DPP6: variants seen among roughly 807,000 people sequenced by gnomAD.
DPP6 encodes the protein dipeptidyl peptidase like 6, also known as A-type potassium channel modulatory protein DPP6.
Under a neutral mutation model 122.6 loss-of-function variants are expected in DPP6, and 69 were observed. That is an observed-to-expected ratio of 0.56 (90% CI 0.46 to 0.69). The LOEUF (loss-of-function observed/expected upper bound fraction) is 0.69, where lower values mean the gene tolerates loss of function less well. Ranked by LOEUF, DPP6 falls within the 30% of genes least tolerant of loss-of-function variation. DPP6 has a pLI of 0.00. For synonymous variants in DPP6, 418 were observed against 433.1 expected, an observed-to-expected ratio of 0.97 and a Z score of 0.43; for missense variants, 928 against 1,116.9, an observed-to-expected ratio of 0.83 and a Z score of 2.41.
At chr7:153,913,936 G>A (rs1800196494) in intron 1 of DPP6, among the ~76,000 whole-genome samples, 2 of 152,126 alleles carry the variant, frequency 1.3e-5, no homozygotes, top group African/African-American at 4.8e-5. Context: ...CCAAGAAACT[G>A]CTTGCTTCTC....
At chr7:154,305,148 C>G (rs1433211465) in intron 1 of DPP6, 5 of 705,130 alleles carry the variant, frequency 7.1e-6, no homozygotes, top group Non-Finnish European at 8.8e-6. Flanking sequence ...GGCGAGGAGG[C>G]AGCGCGCATC....
chr7:153,982,475 G>T (rs1796635636), intron 1 of DPP6, among the ~76,000 whole-genome samples: 1 of 151,844 alleles, frequency 6.6e-6, no homozygotes, highest in Non-Finnish European at 1.5e-5. Context: ...TAGCTTCCTT[G>T]CATTGGGTTA....
chr7:154,296,290 C>T lies in DPP6; in HGVS notation c.244-149924C>T, dbSNP rs543270703. On this transcript the variant is annotated intron_variant, in intron 1 of 25. Coordinates refer to ENST00000377770, the MANE Select transcript of DPP6 (RefSeq NM_130797.4). ...TTAGCCTTGCATGGTTGCATCCAGTCTGTTCCACAAGGATGGACACCCAGG... is the reference window on the plus strand; with the variant it reads ...TTAGCCTTGCATGGTTGCATCCAGTTTGTTCCACAAGGATGGACACCCAGG... 7.9e-5 allele frequency among the ~76,000 whole-genome samples: 12 copies of T among 152,218 alleles called. No homozygotes were observed. The East Asian group carries it at 2.3e-3, about 30-fold the overall frequency.
intron 1 of DPP6, among the ~76,000 whole-genome samples, chr7:154,437,674 G>A (rs972739801): frequency 2.0e-5 from 3 of 152,226 alleles, no homozygotes; most frequent in Non-Finnish European, 4.4e-5. Context: ...GGTGGTTCAT[G>A]CCTGTAATTC....
At chr7:153,896,252 A>G (rs1366249019) in intron 1 of DPP6, among the ~76,000 whole-genome samples, 5 of 152,234 alleles carry the variant, frequency 3.3e-5, no homozygotes, top group African/African-American at 1.2e-4. Flanking sequence ...AAACTCAACT[A>G]CAAACTTGAG....
intron 1 of DPP6, among the ~76,000 whole-genome samples, chr7:154,435,128 T>C (rs1017550247): frequency 1.3e-5 from 2 of 152,180 alleles, no homozygotes; most frequent in African/African-American, 2.4e-5. Context: ...TGAGCCACCA[T>C]TCCTGGCTGA....
At chr7:154,858,767 G>A (rs180906988) in intron 17 of DPP6, among the ~76,000 whole-genome samples, 2 of 152,294 alleles carry the variant, frequency 1.3e-5, no homozygotes, top group African/African-American at 4.8e-5. Flanking sequence ...TGCACTGTGA[G>A]AGCTCAGCCC....
Position 154,618,434 on chromosome 7 carries a change from G to T in DPP6, c.628-19387G>T, listed in dbSNP as rs191562469. Reference sequence around the variant, plus strand: ...GTGCACACACACTGTTGCTTGCCCAGACATGCTTCCCCTTTGTCTTGTTAG... The same window carrying T: ...GTGCACACACACTGTTGCTTGCCCATACATGCTTCCCCTTTGTCTTGTTAG... On this transcript the variant is annotated intron_variant, in intron 5 of 25. Transcript: ENST00000377770. This position sits in a 1 kb window ranked among gnomAD's most constrained non-coding sequence, Gnocchi z 4.1. 2.0e-5 allele frequency among the ~76,000 whole-genome samples: 3 copies of T among 152,322 alleles called. No individual in the cohort carries two copies. The highest frequency in any genetic ancestry group is 6.5e-5 in the Admixed American group (1 of 15,298).
the DPP6 span, among the ~76,000 whole-genome samples, chr7:153,870,696 G>A: frequency 1.3e-4 from 20 of 152,336 alleles, no homozygotes; most frequent in East Asian, 3.1e-3. Context: ...CTGGTGAGGT[G>A]CTGCGTTCCT....
intron 4 of DPP6, among the ~76,000 whole-genome samples, chr7:154,556,563 C>T (rs1830058589): frequency 6.6e-6 from 1 of 151,972 alleles, no homozygotes; most frequent in Admixed American, 6.6e-5. Flanking sequence ...GGATTAAAGC[C>T]TTAAATGTTT....
intron 1 of DPP6, among the ~76,000 whole-genome samples, chr7:154,384,273 G>A (rs1586121529): frequency 6.6e-6 from 1 of 152,268 alleles, no homozygotes; most frequent in East Asian, 1.9e-4. Flanking sequence ...GAGGAAGTGC[G>A]GTGTAAAGAC....
chr7:154,065,849 T>C (rs1342866403), intron 1 of DPP6, among the ~76,000 whole-genome samples: 1 of 152,040 alleles, frequency 6.6e-6, no homozygotes, highest in Admixed American at 6.5e-5. Context: ...AAGGATGTCT[T>C]CTGACTGGCC....
At chr7:153,757,037 T>C in the DPP6 span, among the ~76,000 whole-genome samples, 1 of 148,506 alleles carries the variant, frequency 6.7e-6, no homozygotes, top group Non-Finnish European at 1.5e-5. Context: ...TTGTACCTCA[T>C]GAAGGAAATA....
chr7:154,779,034 C>CCATCACCACTAT, intron 10 of DPP6, among the ~76,000 whole-genome samples: 1 of 151,618 alleles, frequency 6.6e-6, no homozygotes, highest in East Asian at 1.9e-4. Context: ...ACCTCCACCA[C>CCATCACCACTAT]CACCACCACA....
chr7:154,829,622 G>A (rs943648961), intron 16 of DPP6, among the ~76,000 whole-genome samples: 5 of 152,112 alleles, frequency 3.3e-5, no homozygotes, highest in Admixed American at 6.6e-5. Flanking sequence ...GAGTAATATC[G>A]GCTCAATGGC....
chr7:153,772,516 A>G, the DPP6 span, among the ~76,000 whole-genome samples: 1 of 152,234 alleles, frequency 6.6e-6, no homozygotes, highest in African/African-American at 2.4e-5. Context: ...AAATGAAACA[A>G]TGAAAACAAT....
At chr7:153,913,292 T>G (rs988813958) in intron 1 of DPP6, among the ~76,000 whole-genome samples, 2 of 152,096 alleles carry the variant, frequency 1.3e-5, no homozygotes, top group African/African-American at 4.8e-5. Context: ...CCAGCAGGTC[T>G]CAAACTCCTG....
chr7:154,428,804 T>C (rs1346187225), intron 1 of DPP6, among the ~76,000 whole-genome samples: 1 of 152,160 alleles, frequency 6.6e-6, no homozygotes, highest in African/African-American at 2.4e-5. Flanking sequence ...GCTATGGGTA[T>C]GCAAGGCATA....
rs373731612 is a variant in DPP6, at chr7:153,923,557, C to T, written c.51+35823C>T. Among the ~76,000 whole-genome samples the T allele has an allele frequency of 5.7e-3, 862 of 152,010 alleles. 7 individuals carry two copies. The highest frequency in any genetic ancestry group is 0.02 in the African/African-American group (822 of 41,488). ...CGGGCAGATCATGAGGTCAGGAGAT[C>T]GAGACCATCCTGGCTAATATGGTGA... is the stretch of plus-strand genomic sequence containing the variant. On this transcript the variant is annotated intron_variant, in intron 1 of 25. Transcript: ENST00000404039.
Sources: gnomAD v4.1 joint callset for allele counts (sites outside exome capture counted in the v4.1 genomes callset) on GRCh38, gnomAD v4.1.1 for gene constraint, Gnocchi (gnomAD v3.1) non-coding constraint, MANE v1.5 for transcripts, NCBI Gene and HGNC (gene_info 2026-07-23, HGNC 2026-07-21) for gene names.